The following ARIH1 variants were observed in gnomAD, a reference collection of about 807,000 sequenced individuals.
ARIH1 encodes E3 ubiquitin-protein ligase ARIH1.
A neutral mutation model predicts 85.0 loss-of-function variants in ARIH1; 8 were observed. The observed-to-expected ratio is 0.09, with a 90% confidence interval of 0.06 to 0.17. The LOEUF is 0.17. Among genes scored for constraint, ARIH1 ranks in the 10% least tolerant of loss-of-function variants. ARIH1 has a pLI of 1.00. For missense variants in ARIH1, 311 were observed against 718.1 expected, an observed-to-expected ratio of 0.43 and a Z score of 6.48; for synonymous variants, 238 against 253.6, an observed-to-expected ratio of 0.94 and a Z score of 0.59.
intron 6 of ARIH1, 146 bp downstream of exon 6, chr15:72,561,695 T>A: frequency 1.7e-6 from 1 of 581,886 alleles, no homozygotes; most frequent in Non-Finnish European, 2.8e-6. Context: ...CAAAAGAGTA[T>A]GACAGGCCAG....
intron 2 of ARIH1, among the ~76,000 whole-genome samples, chr15:72,529,377 A>G (rs1427298395): frequency 6.6e-6 from 1 of 152,186 alleles, no homozygotes; most frequent in Non-Finnish European, 1.5e-5. Flanking sequence ...CCTAGTGGGT[A>G]GGACTGTGCA....
In ARIH1 at chr15:72,594,329, C is replaced by T. The variant is rs1241068095; in HGVS notation, c.*11037C>T. On this transcript the variant is annotated 3_prime_UTR_variant, in exon 14 of 14. Coordinates refer to ENST00000379887, the MANE Select transcript of ARIH1 (RefSeq NM_005744.5). ...GGATTATAGGCACACACCATCATGC[C>T]TGGCTAATTTTTGTATTTTTAGTAC... 6.6e-6 allele frequency: 1 copy of T among 152,046 alleles called. No individual in the cohort carries two copies. Among genetic ancestry groups the T allele is most frequent in the African/African-American group, 2.4e-5 (1 of 41,400 alleles). 9.4% of individuals were successfully genotyped at this position (152,046 alleles called of 1,614,324 possible). A position where few individuals can be genotyped will look rare whatever the true frequency, so the allele number is the denominator to read the frequency against.
intron 2 of ARIH1, among the ~76,000 whole-genome samples, chr15:72,523,226 A>C (rs1315417836): frequency 6.6e-6 from 1 of 152,258 alleles, no homozygotes; most frequent in Non-Finnish European, 1.5e-5. Flanking sequence ...AATTGCCAAA[A>C]CTTGGAAGCA....
Position 72,582,600 on chromosome 15 carries a change from T to TA in ARIH1, c.1589+413_1589+414insA, listed in dbSNP as rs367887828. Among the ~76,000 whole-genome samples, 5 of 140,316 alleles carry TA rather than the reference T, an allele frequency of 3.6e-5. No homozygotes were observed. The East Asian group carries it at 6.3e-4, about 18-fold the overall frequency. 92.1% of individuals were successfully genotyped at this position (140,316 alleles called of 152,430 possible). ...TTTTTATTACATATATATATATATA[T>TA]TTTTTTAATCTAAGGAGATACTTGT... On this transcript the variant is annotated intron_variant, in intron 13 of 13. Coordinates refer to ENST00000379887, the MANE Select transcript of ARIH1 (RefSeq NM_005744.5). This position sits in a 1 kb window ranked among gnomAD's most constrained non-coding sequence, Gnocchi z 4.6.
intron 1 of ARIH1, among the ~76,000 whole-genome samples, chr15:72,485,834 G>C (rs527676732): frequency 3.3e-5 from 5 of 152,142 alleles, no homozygotes; most frequent in African/African-American, 1.2e-4. Flanking sequence ...TGTATAAATA[G>C]CTTAATTATT....
chr15:72,498,381 C>T (rs1181690081), intron 1 of ARIH1, among the ~76,000 whole-genome samples: 1 of 152,142 alleles, frequency 6.6e-6, no homozygotes, highest in Non-Finnish European at 1.5e-5. Flanking sequence ...TCTAATATAA[C>T]CATATCAATT....
intron 1 of ARIH1, among the ~76,000 whole-genome samples, chr15:72,500,432 A>C (rs2063898041): frequency 6.6e-6 from 1 of 151,982 alleles, no homozygotes; most frequent in African/African-American, 2.4e-5. Flanking sequence ...CTTTTCTCTG[A>C]AGAGATATGT....
At chr15:72,538,988 G>A (rs1195360056) in intron 2 of ARIH1, among the ~76,000 whole-genome samples, 1 of 152,182 alleles carries the variant, frequency 6.6e-6, no homozygotes, top group Non-Finnish European at 1.5e-5. Context: ...AAACCATACT[G>A]CTGCTTGTTT....
At chr15:72,559,565 A>G (rs967059170) in intron 5 of ARIH1, among the ~76,000 whole-genome samples, 1 of 152,290 alleles carries the variant, frequency 6.6e-6, no homozygotes, top group Middle Eastern at 3.4e-3. Flanking sequence ...GCAACCGCAC[A>G]TGGCCAGCAA....
intron 9 of ARIH1, among the ~76,000 whole-genome samples, chr15:72,568,039 A>G (rs533697047): frequency 6.6e-6 from 1 of 152,346 alleles, no homozygotes; most frequent in East Asian, 1.9e-4. Flanking sequence ...ATACTTATAT[A>G]TAAAACATGA....
chr15:72,546,936 G>C (rs914239523), intron 3 of ARIH1, among the ~76,000 whole-genome samples: 4 of 52,264 alleles, frequency 7.7e-5, no homozygotes, highest in Admixed American at 2.3e-4. Context: ...TTTTTTGGAG[G>C]GGGGGGGGTG....
At chr15:72,542,200 G>A (rs77079014) in intron 2 of ARIH1, among the ~76,000 whole-genome samples, 1 of 152,214 alleles carries the variant, frequency 6.6e-6, no homozygotes, top group East Asian at 1.9e-4. Flanking sequence ...AAAATCTTTG[G>A]GTATAGAGGT....
intron 1 of ARIH1, among the ~76,000 whole-genome samples, chr15:72,499,116 G>A (rs1381413445): frequency 1.3e-5 from 2 of 151,166 alleles, no homozygotes; most frequent in Non-Finnish European, 2.9e-5. Flanking sequence ...GAGTAGCTGG[G>A]AGGCGCACGC....
intron 1 of ARIH1, among the ~76,000 whole-genome samples, chr15:72,496,383 A>G (rs1199681336): frequency 1.3e-5 from 2 of 152,248 alleles, no homozygotes; most frequent in Non-Finnish European, 2.9e-5. Context: ...CTAAGCACAC[A>G]GACCTTAGTG....
At chr15:72,517,046 T>C (rs1012311380) in intron 1 of ARIH1, among the ~76,000 whole-genome samples, 3 of 152,168 alleles carry the variant, frequency 2.0e-5, no homozygotes, top group Admixed American at 2.0e-4. Flanking sequence ...CTCACTAGTT[T>C]CATGGGAAAT....
chr15:72,475,487 A>G (rs1033239724), intron 1 of ARIH1, among the ~76,000 whole-genome samples: 2 of 152,218 alleles, frequency 1.3e-5, no homozygotes, highest in South Asian at 2.1e-4. Context: ...AGTTGCCCCA[A>G]GTGGGCACCA....
chr15:72,545,011 G>C, intron 3 of ARIH1, 47 bp downstream of exon 3: 1 of 1,466,432 alleles, frequency 6.8e-7, no homozygotes, highest in Middle Eastern at 2.0e-4. Context: ...GTATTTCAGA[G>C]GGTAAATCAA....
intron 1 of ARIH1, among the ~76,000 whole-genome samples, chr15:72,507,183 C>T (rs970191390): frequency 2.0e-5 from 3 of 152,030 alleles, no homozygotes; most frequent in Admixed American, 6.6e-5. Flanking sequence ...CCACCGTGCC[C>T]GGCTAATATT....
intron 2 of ARIH1, among the ~76,000 whole-genome samples, chr15:72,525,468 A>G (rs1185230007): frequency 6.6e-6 from 1 of 152,238 alleles, no homozygotes; most frequent in Non-Finnish European, 1.5e-5. Flanking sequence ...AAACATGCCC[A>G]TTGTAATCAA....
Sources: gnomAD v4.1 joint callset for allele counts (sites outside exome capture counted in the v4.1 genomes callset) on GRCh38, gnomAD v4.1.1 for gene constraint, Gnocchi (gnomAD v3.1) non-coding constraint, MANE v1.5 for transcripts, NCBI Gene and HGNC (gene_info 2026-07-23, HGNC 2026-07-21) for gene names.